TNFSF4: variants seen among roughly 807,000 people sequenced by gnomAD.
TNFSF4 encodes the protein tumor necrosis factor ligand superfamily member 4.
TNFSF4 carries 4 observed loss-of-function variants against 7.3 expected under a neutral mutation model. The ratio of observed to expected loss-of-function variants is 0.55; its 90% CI spans 0.27 to 1.25. The LOEUF (loss-of-function observed/expected upper bound fraction) is 1.25. TNFSF4 is among the 50% of genes most tolerant of loss of function. The probability of loss-of-function intolerance (pLI) is 0.12; values close to 1 mark genes in which losing one functional copy is unlikely to be tolerated. For synonymous variants in TNFSF4, 76 were observed against 83.7 expected (o/e 0.91, Z 0.50); for missense variants, 181 against 208.8 (o/e 0.87, Z 0.82).
the TNFSF4 span, among the ~76,000 whole-genome samples, chr1:173,280,535 C>G: frequency 6.6e-6 from 1 of 152,090 alleles, no homozygotes; most frequent in Non-Finnish European, 1.5e-5. Context: ...TCATTCAAAT[C>G]ATTGTTGTGA....
the TNFSF4 span, among the ~76,000 whole-genome samples, chr1:173,374,860 T>C: frequency 6.6e-6 from 1 of 152,104 alleles, no homozygotes; most frequent in Non-Finnish European, 1.5e-5. Flanking sequence ...ACTTATAGGG[T>C]TAGGAATAAC....
the TNFSF4 span, chr1:173,174,158 A>G: frequency 3.9e-5 from 6 of 152,242 alleles, no homozygotes; most frequent in Non-Finnish European, 8.8e-5. Context: ...CTCTTTGCAT[A>G]GCAAGAGTGA....
At chr1:173,212,260 A>G (rs1382662318), upstream of TNFSF4, among the ~76,000 whole-genome samples, 4 of 152,192 alleles carry the variant, frequency 2.6e-5, no homozygotes. Context: ...CCCACTTCCA[A>G]CACTGGAGCT....
At chr1:173,384,537 C>T in the TNFSF4 span, among the ~76,000 whole-genome samples, 6 of 152,092 alleles carry the variant, frequency 3.9e-5, no homozygotes, top group African/African-American at 1.2e-4. Flanking sequence ...CCTCCCCCAC[C>T]GCATGATTCT....
At chr1:173,422,318 C>T in the TNFSF4 span, among the ~76,000 whole-genome samples, 1 of 120,706 alleles carries the variant, frequency 8.3e-6, no homozygotes, top group Non-Finnish European at 1.7e-5. Flanking sequence ...AATGGTGGTG[C>T]CCAGAGTGAA....
At chr1:173,243,397 C>T in the TNFSF4 span, among the ~76,000 whole-genome samples, 311 of 152,244 alleles carry the variant, frequency 2.0e-3, no homozygotes, top group Non-Finnish European at 2.4e-3. Flanking sequence ...AGAGCTTCAG[C>T]CCAGAACTCC....
the TNFSF4 span, among the ~76,000 whole-genome samples, chr1:173,434,245 A>G: frequency 6.6e-6 from 1 of 152,054 alleles, no homozygotes. Context: ...CTTCCCTTAT[A>G]TTTTCTTGTC....
the TNFSF4 span, among the ~76,000 whole-genome samples, chr1:173,393,677 T>G: frequency 6.6e-6 from 1 of 152,224 alleles, no homozygotes; most frequent in Non-Finnish European, 1.5e-5. Context: ...ATGCTATAGA[T>G]TATACAGTTT....
the TNFSF4 span, among the ~76,000 whole-genome samples, chr1:173,441,219 C>G: frequency 6.6e-6 from 1 of 152,152 alleles, no homozygotes; most frequent in East Asian, 1.9e-4. Flanking sequence ...CAAACTTTTC[C>G]TCCCTACTTG....
the TNFSF4 span, among the ~76,000 whole-genome samples, chr1:173,380,368 T>C: frequency 6.6e-6 from 1 of 151,930 alleles, no homozygotes; most frequent in Non-Finnish European, 1.5e-5. Context: ...GGAAGGACAA[T>C]TCGGAAGGGC....
At chr1:173,236,032 G>T in the TNFSF4 span, among the ~76,000 whole-genome samples, 2 of 152,114 alleles carry the variant, frequency 1.3e-5, no homozygotes, top group Admixed American at 1.3e-4. Flanking sequence ...TGTTGGGACT[G>T]GTAGGTGCTA....
At chr1:173,327,398 C>A in the TNFSF4 span, among the ~76,000 whole-genome samples, 1 of 151,894 alleles carries the variant, frequency 6.6e-6, no homozygotes, top group African/African-American at 2.4e-5. Context: ...ACCATAAAAA[C>A]CCTAGAAGAA....
At chr1:173,212,923 C>T in the TNFSF4 span, among the ~76,000 whole-genome samples, 3 of 151,902 alleles carry the variant, frequency 2.0e-5, no homozygotes, top group African/African-American at 7.2e-5. Context: ...TTTCAGTCTC[C>T]CCCATGATGC....
chr1:173,219,198 A>G, the TNFSF4 span, among the ~76,000 whole-genome samples: 3 of 152,216 alleles, frequency 2.0e-5, no homozygotes, highest in Non-Finnish European at 4.4e-5. Flanking sequence ...CAGTACATTC[A>G]GAAGCCTGCT....
At chr1:173,427,607 C>G in the TNFSF4 span, among the ~76,000 whole-genome samples, 90,904 of 152,032 alleles carry the variant, frequency 0.6, 29,291 homozygotes, top group South Asian at 0.78. Flanking sequence ...AAAAATGAAA[C>G]CTGACTCTGA....
At chr1:173,420,991 TAC>T in the TNFSF4 span, among the ~76,000 whole-genome samples, 1 of 152,202 alleles carries the variant, frequency 6.6e-6, no homozygotes, top group Non-Finnish European at 1.5e-5. Context: ...ACAGTTATGT[TAC>T]AGTCACTACT....
At chr1:173,230,337 C>T in the TNFSF4 span, among the ~76,000 whole-genome samples, 1 of 152,154 alleles carries the variant, frequency 6.6e-6, no homozygotes, top group Non-Finnish European at 1.5e-5. Context: ...CTACTGGGTA[C>T]ATAACAAAAT....
At chr1:173,390,330 T>C in the TNFSF4 span, among the ~76,000 whole-genome samples, 1 of 152,208 alleles carries the variant, frequency 6.6e-6, no homozygotes, top group Non-Finnish European at 1.5e-5. Flanking sequence ...TCATTTCCAC[T>C]GAACCTAAGG....
chr1:173,281,407 T>G, the TNFSF4 span, among the ~76,000 whole-genome samples: 1 of 152,110 alleles, frequency 6.6e-6, no homozygotes, highest in African/African-American at 2.4e-5. Flanking sequence ...ATCTAAGCTT[T>G]AATATATTCT....
Sources: allele counts gnomAD v4.1 joint callset (sites outside exome capture counted in the v4.1 genomes callset), GRCh38; gene constraint gnomAD v4.1.1; transcripts MANE v1.5; gene names NCBI Gene and HGNC (gene_info 2026-07-23, HGNC 2026-07-21).